The following C10orf143 variants were observed in gnomAD, a reference collection of about 807,000 sequenced individuals.
C10orf143 encodes chromosome 10 open reading frame 143, also known as uncharacterized protein C10orf143.
At chr10:130,037,580 C>A (rs867775202) in intron 3 of C10orf143, among the ~76,000 whole-genome samples, 37 of 152,326 alleles carry the variant, frequency 2.4e-4, no homozygotes, top group South Asian at 8.3e-4. Context: ...GGGAGGGCAG[C>A]CCCACCTGTG....
At position 130,056,783 on chromosome 10, in the gene C10orf143, G is replaced by T. The variant is rs1860802266; in HGVS notation, c.298-20813C>A. Among the ~76,000 whole-genome samples the T allele has an allele frequency of 6.6e-6, 1 of 152,064 alleles. No homozygotes were observed. The highest frequency in any genetic ancestry group is 2.4e-5 in the African/African-American group (1 of 41,402). On this transcript the variant is annotated intron_variant and NMD_transcript_variant, in intron 3 of 5. Transcript: ENST00000643056. This position sits in a 1 kb window ranked among gnomAD's most constrained non-coding sequence, Gnocchi z 4.6. ...ATTTTTTGTATTTTTAGTAGAGACG[G>T]GGTTTCACCATGTTAGCCAAGATGG...
rs139989487 is a variant in C10orf143 at position 130,090,319 on chromosome 10, A to T, written c.70-10418T>A. 1.0e-3 allele frequency among the ~76,000 whole-genome samples: 158 copies of T among 151,386 alleles called. 1 individual carries two copies. In the East Asian group the frequency reaches 0.028, roughly 27 times the overall value. On this transcript the variant is annotated intron_variant, in intron 1 of 3. Coordinates refer to ENST00000637128, the MANE Select transcript of C10orf143 (RefSeq NM_001355042.2). ...CCCGGGAAGCACAAGGGGTCACGGA[A>T]CTCCCTCCCCAGCCAAGGGAAGCCG...
At position 130,079,634 on chromosome 10, in the gene C10orf143, T is replaced by C. The variant is rs2134767975; in HGVS notation, c.235-6A>G. 2.5e-6 allele frequency: 1 copy of C among 399,102 alleles called. No homozygotes were observed. Among genetic ancestry groups the C allele is most frequent in the East Asian group, 3.6e-5 (1 of 28,082 alleles). The allele number at this position is 399,102 out of a possible 1,614,324, so 24.7% of individuals were successfully genotyped here. On this transcript the variant is annotated splice_polypyrimidine_tract_variant and splice_region_variant and intron_variant, in intron 2 of 3. Coordinates refer to ENST00000637128, the MANE Select transcript of C10orf143 (RefSeq NM_001355042.2). ...CTTCCACCATTCTGAGAAATCTAGTTAACAAATCACAGTTGCAGATATATC... is the reference window on the plus strand; with the variant it reads ...CTTCCACCATTCTGAGAAATCTAGTCAACAAATCACAGTTGCAGATATATC...
intron 2 of C10orf143, 47 bp downstream of exon 2, chr10:130,079,690 A>C: frequency 2.5e-6 from 1 of 398,866 alleles, no homozygotes. Context: ...TTTCTATTAA[A>C]ATATTTCAAC....
chr10:130,069,931 C>T (rs1861003383), intron 3 of C10orf143, among the ~76,000 whole-genome samples: 2 of 152,068 alleles, frequency 1.3e-5, no homozygotes, highest in South Asian at 2.1e-4. Flanking sequence ...ATAGCATCCT[C>T]GTCCTTTTCT....
intron 1 of C10orf143, among the ~76,000 whole-genome samples, chr10:130,099,788 G>A (rs2477962): frequency 0.64 from 95,616 of 150,334 alleles, 30,628 homozygotes; most frequent in Admixed American, 0.72. Context: ...TCAGCCTCCC[G>A]AAGTGCAAGG....
At chr10:130,055,917 G>A (rs1233888171) in intron 3 of C10orf143, among the ~76,000 whole-genome samples, 1 of 119,404 alleles carries the variant, frequency 8.4e-6, no homozygotes, top group Non-Finnish European at 1.6e-5. Flanking sequence ...CTGTACTCCA[G>A]CCTGGATAAC....
In C10orf143 at chr10:130,065,408, T is replaced by G. The variant is rs548165447; in HGVS notation, c.298-1025A>C. On this transcript the variant is annotated intron_variant, in intron 3 of 3. Coordinates refer to ENST00000637128, the MANE Select transcript of C10orf143 (RefSeq NM_001355042.2). The surrounding 1 kb of genome is among the most constrained non-coding windows in gnomAD (Gnocchi z 4.2). The stretch of plus-strand genomic sequence containing the variant: ...GGCCACGAAGGAGCAAGAGAATCTT[T>G]GGAGGTGGGAAGGTATACCTCAAGC... 1 of 152,254 alleles carries G rather than the reference T, an allele frequency of 6.6e-6. No individual in the cohort carries two copies. The highest frequency in any genetic ancestry group is 2.4e-5 in the African/African-American group (1 of 41,502). 9.4% of individuals were successfully genotyped at this position (152,254 alleles called of 1,614,324 possible). A position where few individuals can be genotyped will look rare whatever the true frequency, so the allele number is the denominator to read the frequency against.
At chr10:130,037,493 C>T (rs1269653737) in intron 3 of C10orf143, among the ~76,000 whole-genome samples, 1 of 152,178 alleles carries the variant, frequency 6.6e-6, no homozygotes, top group African/African-American at 2.4e-5. Flanking sequence ...GACTCTGTCC[C>T]CTGTCCTTAG....
chr10:130,063,508 A>G (rs1019767617), downstream of C10orf143, among the ~76,000 whole-genome samples: 1 of 152,198 alleles, frequency 6.6e-6, no homozygotes, highest in Admixed American at 6.5e-5. Flanking sequence ...GTAATTCTGG[A>G]TCATCCATAT....
intron 3 of C10orf143, among the ~76,000 whole-genome samples, chr10:130,073,364 C>T (rs1861063289): frequency 6.6e-6 from 1 of 152,166 alleles, no homozygotes; most frequent in South Asian, 2.1e-4. Context: ...TTGTAATTTC[C>T]AGTCCCCTTT....
intron 3 of C10orf143, among the ~76,000 whole-genome samples, chr10:130,054,068 A>G (rs1046416446): frequency 1.3e-4 from 20 of 152,294 alleles, no homozygotes; most frequent in Admixed American, 3.9e-4. Context: ...CAGAGTTTTA[A>G]GTGTACAACA....
chr10:130,075,982 T>C (rs905072448), intron 3 of C10orf143, among the ~76,000 whole-genome samples: 2 of 138,030 alleles, frequency 1.4e-5, no homozygotes, highest in African/African-American at 5.2e-5. Context: ...GTTTTTTGTT[T>C]GTTTGTTTGT....
chr10:130,093,062 G>A (rs1368302144), intron 1 of C10orf143, among the ~76,000 whole-genome samples: 1 of 152,140 alleles, frequency 6.6e-6, no homozygotes, highest in East Asian at 1.9e-4. Context: ...TCTCGACTAA[G>A]CAGACCTAAT....
chr10:130,053,052 A>G (rs1045167217), intron 3 of C10orf143, among the ~76,000 whole-genome samples: 2 of 86,184 alleles, frequency 2.3e-5, no homozygotes, highest in Non-Finnish European at 2.7e-5. Context: ...GAAGTTTCTA[A>G]GTGTTTTTTG....
At chr10:130,089,376 A>G (rs1861344960) in intron 1 of C10orf143, among the ~76,000 whole-genome samples, 1 of 152,190 alleles carries the variant, frequency 6.6e-6, no homozygotes, top group Non-Finnish European at 1.5e-5. Flanking sequence ...ACTAGTTTAG[A>G]TGTTTCCACA....
intron 1 of C10orf143, chr10:130,108,109 C>T (rs775729970): frequency 9.7e-6 from 15 of 1,541,952 alleles, no homozygotes; most frequent in Non-Finnish European, 1.2e-5. Context: ...CTGGCCCTCG[C>T]TTTGTTCCTC....
chr10:130,037,588 G>C (rs749035297), intron 3 of C10orf143, among the ~76,000 whole-genome samples: 1 of 152,208 alleles, frequency 6.6e-6, no homozygotes, highest in African/African-American at 2.4e-5. Context: ...AGCCCCACCT[G>C]TGCATCCTGC....
chr10:130,098,574 C>A (rs1861498495), intron 1 of C10orf143, among the ~76,000 whole-genome samples: 4 of 152,194 alleles, frequency 2.6e-5, no homozygotes, highest in Admixed American at 2.0e-4. Context: ...CCTCACGTGT[C>A]AGTCAACCAA....
Sources: allele counts gnomAD v4.1 joint callset (sites outside exome capture counted in the v4.1 genomes callset), GRCh38; gene constraint gnomAD v4.1.1; non-coding constraint Gnocchi (gnomAD v3.1); transcripts MANE v1.5; gene names NCBI Gene and HGNC (gene_info 2026-07-23, HGNC 2026-07-21).